The following MCM10 variants were observed in gnomAD, a reference collection of about 807,000 sequenced individuals.
MCM10 encodes protein MCM10 homolog.
In MCM10, 91 loss-of-function variants were observed where a neutral mutation model predicts 109.9. That is an observed-to-expected ratio of 0.83 (90% CI 0.70 to 0.99). The LOEUF (loss-of-function observed/expected upper bound fraction) is 0.99. Ranked by LOEUF, MCM10 falls within the 50% of genes least tolerant of loss-of-function variation. The probability of loss-of-function intolerance (pLI) is 0.00; values close to 1 mark genes in which losing one functional copy is unlikely to be tolerated. For synonymous variants in MCM10, 380 were observed against 387.2 expected (o/e 0.98, Z 0.22); for missense variants, 1,077 against 1,061.2 (o/e 1.01, Z -0.21).
At position 13,209,464 on chromosome 10, in the gene MCM10, T is replaced by C. The variant is rs1427223962; in HGVS notation, c.*154T>C. 1.3e-5 allele frequency: 8 copies of C among 637,698 alleles called. No homozygotes were observed. The highest frequency in any genetic ancestry group is 4.0e-5 in the South Asian group (2 of 50,492). 39.5% of individuals were successfully genotyped at this position (637,698 alleles called of 1,614,324 possible). Reference sequence around the variant, plus strand: ...AGCTTTGCCTGCTTACTTTCTGCCATTGGGTTGGTTTGATACCACATTTAA... The same window carrying C: ...AGCTTTGCCTGCTTACTTTCTGCCACTGGGTTGGTTTGATACCACATTTAA... On this transcript the variant is annotated 3_prime_UTR_variant, in exon 20 of 20. Coordinates refer to ENST00000378714, the MANE Select transcript of MCM10 (RefSeq NM_018518.5).
rs370897686 is a variant in MCM10, at chr10:13,186,172, A to G, written c.1107A>G (p.Leu369=). 7 of 1,603,626 alleles carry G rather than the reference A, an allele frequency of 4.4e-6. No individual in the cohort carries two copies. Among genetic ancestry groups the G allele is most frequent in the African/African-American group, 1.3e-5 (1 of 74,658 alleles). ...CCCACCTTTTCTTACAGGTGTGTTTATCTATCGATCATCCTCAGAAGGTCT... is the reference window on the plus strand; with the variant it reads ...CCCACCTTTTCTTACAGGTGTGTTTGTCTATCGATCATCCTCAGAAGGTCT... ...KPKDGSEEVC[L]SIDHPQKVLI... Residue 369 remains leucine (L), a synonymous_variant, in exon 9 of 20, where the codon TTA becomes TTG. Transcript: ENST00000378714.
At chr10:13,183,176 C>A in intron 8 of MCM10, 76 bp downstream of exon 8, 3 of 1,489,548 alleles carry the variant, frequency 2.0e-6, no homozygotes, top group South Asian at 1.2e-5. Flanking sequence ...ATGTTTGATG[C>A]AGCACACAGT....
At chr10:13,198,878 A>G (rs1834459292) in intron 16 of MCM10, 71 bp downstream of exon 16, 1 of 978,022 alleles carries the variant, frequency 1.0e-6, no homozygotes, top group Admixed American at 1.8e-5. Flanking sequence ...TAGCTGTAGG[A>G]CCAAGAATGT....
rs1414776247 is a variant in MCM10 at position 13,209,084 on chromosome 10, G to A, written c.2499-7G>A. ...CCTGCTGAGTAAATCCATCTGTTCT[G>A]TTTCAGTAACTGTGGCCTCTACAAA... On this transcript the variant is annotated splice_polypyrimidine_tract_variant and splice_region_variant and intron_variant, in intron 18 of 19. Transcript: ENST00000378714. 3.1e-6 allele frequency: 5 copies of A among 1,610,170 alleles called. 1 individual carries two copies. The South Asian group carries it at 5.5e-5, about 18-fold the overall frequency.
rs558809403 is a variant in MCM10 at position 13,198,490 on chromosome 10, T to C, written c.2120-199T>C. On this transcript the variant is annotated intron_variant, in intron 15 of 19. Coordinates refer to ENST00000378714, the MANE Select transcript of MCM10 (RefSeq NM_018518.5). ...AAAGAGATTCTATTTAGTGGTAAAA[T>C]CTGCCACCACCCCACATTCTAGGCT... Among the ~76,000 whole-genome samples, 25 of 152,278 alleles carry C rather than the reference T, an allele frequency of 1.6e-4. No homozygotes were observed. In the South Asian group the frequency reaches 5.0e-3, roughly 30 times the overall value.
chr10:13,210,632 T>C lies in MCM10; in HGVS notation c.*1322T>C, dbSNP rs1054976602. 7.2e-5 allele frequency: 11 copies of C among 152,202 alleles called. No homozygotes were observed. The highest frequency in any genetic ancestry group is 2.7e-4 in the African/African-American group (11 of 41,452). The allele number at this position is 152,202 out of a possible 1,614,324, so 9.4% of individuals were successfully genotyped here. A position where few individuals can be genotyped will look rare whatever the true frequency, so the allele number is the denominator to read the frequency against. On this transcript the variant is annotated 3_prime_UTR_variant, in exon 20 of 20. Coordinates refer to ENST00000378714, the MANE Select transcript of MCM10 (RefSeq NM_018518.5). Reference sequence around the variant, plus strand: ...TTTACATGCCTTAGATTTCATAAAATTCTGCTCTAATTGGGTGGAAGGTGC... The same window carrying C: ...TTTACATGCCTTAGATTTCATAAAACTCTGCTCTAATTGGGTGGAAGGTGC...
chr10:13,185,197 C>G (rs1043616653), intron 8 of MCM10, among the ~76,000 whole-genome samples: 1 of 152,058 alleles, frequency 6.6e-6, no homozygotes, highest in Non-Finnish European at 1.5e-5. Flanking sequence ...GCTCTCTTCA[C>G]CCTGCAGCGG....
chr10:13,180,190 G>A (rs1012893346), intron 6 of MCM10, among the ~76,000 whole-genome samples: 14 of 151,864 alleles, frequency 9.2e-5, no homozygotes, highest in African/African-American at 2.2e-4. Flanking sequence ...GGCGGAGGCC[G>A]CAGTGAGCCA....
At chr10:13,196,809 G>A (rs1200060440) in intron 14 of MCM10, among the ~76,000 whole-genome samples, 2 of 151,436 alleles carry the variant, frequency 1.3e-5, no homozygotes, top group East Asian at 2.0e-4. Flanking sequence ...CACTGCGCCC[G>A]GCCAGGAATG....
intron 11 of MCM10, among the ~76,000 whole-genome samples, chr10:13,191,699 G>C (rs1056402196): frequency 6.6e-6 from 1 of 152,128 alleles, no homozygotes; most frequent in Non-Finnish European, 1.5e-5. Context: ...AATCAAGCCA[G>C]GTTTGCAGGA....
At chr10:13,204,154 G>A (rs1050037891) in intron 17 of MCM10, 65 bp from the exon 18 acceptor site, 24 of 1,577,650 alleles carry the variant, frequency 1.5e-5, no homozygotes, top group Middle Eastern at 4.5e-4. Flanking sequence ...TGCCCTTACT[G>A]CAGCTGAGCA....
chr10:13,182,037 G>A lies in MCM10; in HGVS notation c.931-896G>A, dbSNP rs952210043. 1.3e-5 allele frequency among the ~76,000 whole-genome samples: 2 copies of A among 152,172 alleles called. No individual in the cohort carries two copies. Among genetic ancestry groups the A allele is most frequent in the African/African-American group, 4.8e-5 (2 of 41,440 alleles). On this transcript the variant is annotated intron_variant, in intron 7 of 19. Transcript: ENST00000378714. The surrounding 1 kb of genome is among the most constrained non-coding windows in gnomAD (Gnocchi z 4.2). The stretch of plus-strand genomic sequence containing the variant: ...AGGTTTTTCACATTATAATCGGTCA[G>A]CATTTTGAGCTGTATTTCTTCAGAT...
chr10:13,176,325 C>A (rs1834140847), intron 6 of MCM10, among the ~76,000 whole-genome samples: 1 of 152,124 alleles, frequency 6.6e-6, no homozygotes. Context: ...AAATCTTGGA[C>A]TTTTTTCTAA....
At chr10:13,198,592 G>T in intron 15 of MCM10, 97 bp from the exon 16 acceptor site, 1 of 775,142 alleles carries the variant, frequency 1.3e-6, no homozygotes. Context: ...GGGCTGGTAG[G>T]CAGAGGAGGA....
intron 18 of MCM10, among the ~76,000 whole-genome samples, chr10:13,208,568 A>C (rs1400189584): frequency 1.7e-5 from 2 of 119,790 alleles, no homozygotes; most frequent in Admixed American, 7.4e-5. Context: ...CATCTCTCCA[A>C]AAAAAAAAAA....
intron 9 of MCM10, among the ~76,000 whole-genome samples, chr10:13,188,122 G>A (rs1834298548): frequency 1.3e-5 from 2 of 152,022 alleles, no homozygotes; most frequent in Non-Finnish European, 2.9e-5. Flanking sequence ...TCCAGCCTGG[G>A]TGACAGAGCG....
chr10:13,184,808 A>G (rs2131573223), intron 8 of MCM10, among the ~76,000 whole-genome samples: 1 of 152,302 alleles, frequency 6.6e-6, no homozygotes, highest in African/African-American at 2.4e-5. Context: ...ATGCCTTTGA[A>G]ACTCTAGCCA....
Position 13,193,778 on chromosome 10 carries a change from G to A in MCM10, c.1745+1210G>A, listed in dbSNP as rs192297936. ...AAATATGTATGGAGTTGGGGGCCTC[G>A]TGGGAAATAGAGAATGCCCATCAGC... On this transcript the variant is annotated intron_variant, in intron 13 of 19. Coordinates refer to ENST00000378714, the MANE Select transcript of MCM10 (RefSeq NM_018518.5). 2.0e-4 allele frequency among the ~76,000 whole-genome samples: 31 copies of A among 152,258 alleles called. No homozygotes were observed. In the East Asian group the frequency reaches 4.8e-3, roughly 24 times the overall value.
intron 2 of MCM10, among the ~76,000 whole-genome samples, chr10:13,166,517 C>T (rs1833998776): frequency 6.6e-6 from 1 of 151,746 alleles, no homozygotes; most frequent in Non-Finnish European, 1.5e-5. Context: ...TGCCTGTAAT[C>T]CCAGCTACTC....
Sources: allele counts gnomAD v4.1 joint callset (sites outside exome capture counted in the v4.1 genomes callset), GRCh38; gene constraint gnomAD v4.1.1; non-coding constraint Gnocchi (gnomAD v3.1); transcripts MANE v1.5; gene names NCBI Gene and HGNC (gene_info 2026-07-23, HGNC 2026-07-21).